Variants in SNX18 observed in about 807,000 individuals in gnomAD.
SNX18 encodes sorting nexin 18.
Under a neutral mutation model 48.7 loss-of-function variants are expected in SNX18, and 35 were observed. The observed-to-expected ratio is 0.72, with a 90% CI of 0.55 to 0.95. The LOEUF (loss-of-function observed/expected upper bound fraction) is 0.95, where lower values mean the gene tolerates loss of function less well. Among genes scored for constraint, SNX18 ranks in the 40% least tolerant of loss-of-function variants. The probability of loss-of-function intolerance (pLI) is 0.00; values close to 1 mark genes in which losing one functional copy is unlikely to be tolerated. For missense variants in SNX18, 824 were observed against 871.0 expected (o/e 0.95, Z 0.68); for synonymous variants, 492 against 384.7 (o/e 1.28, Z -3.26).
At chr5:54,618,944 T>C in the SNX18 span, among the ~76,000 whole-genome samples, 2 of 143,508 alleles carry the variant, frequency 1.4e-5, no homozygotes, top group African/African-American at 2.5e-5. Context: ...ATCTGAAAAG[T>C]AGAAAAAAAA....
At chr5:54,566,093 A>C in the SNX18 span, among the ~76,000 whole-genome samples, 1 of 152,184 alleles carries the variant, frequency 6.6e-6, no homozygotes, top group Admixed American at 6.5e-5. Flanking sequence ...CTTATTAACC[A>C]AACTCAGGTG....
At chr5:54,639,722 T>G in the SNX18 span, among the ~76,000 whole-genome samples, 2 of 152,152 alleles carry the variant, frequency 1.3e-5, 1 homozygote, top group East Asian at 3.9e-4. Flanking sequence ...GGGACAAGCT[T>G]TGTCTTGAAG....
At chr5:54,610,934 T>C in the SNX18 span, among the ~76,000 whole-genome samples, 1 of 152,198 alleles carries the variant, frequency 6.6e-6, no homozygotes, top group Non-Finnish European at 1.5e-5. Context: ...TTTAGGAAAA[T>C]ACAGAATCAT....
the SNX18 span, among the ~76,000 whole-genome samples, chr5:54,625,664 G>A: frequency 6.6e-6 from 1 of 152,170 alleles, no homozygotes; most frequent in Non-Finnish European, 1.5e-5. Flanking sequence ...GAAGAGAAGA[G>A]TACACAAGGG....
chr5:54,556,951 T>C, the SNX18 span, among the ~76,000 whole-genome samples: 3 of 152,222 alleles, frequency 2.0e-5, no homozygotes, highest in East Asian at 1.9e-4. Flanking sequence ...GCCAATTGTG[T>C]TTGCCTTTCA....
At chr5:54,625,865 A>G in the SNX18 span, among the ~76,000 whole-genome samples, 3 of 152,186 alleles carry the variant, frequency 2.0e-5, no homozygotes, top group African/African-American at 7.2e-5. Context: ...TTTTTACTAC[A>G]GTTTGTATGA....
chr5:54,556,821 C>T, the SNX18 span, among the ~76,000 whole-genome samples: 109,362 of 152,068 alleles, frequency 0.72, 39,989 homozygotes, highest in Non-Finnish European at 0.79. Context: ...TCCACCAGCA[C>T]AGTGTGGCAG....
intron 1 of SNX18, among the ~76,000 whole-genome samples, chr5:54,524,792 G>C (rs1231368540): frequency 6.6e-6 from 1 of 152,220 alleles, no homozygotes; most frequent in Admixed American, 6.5e-5. Flanking sequence ...CGCTCTGCCG[G>C]TGTCTGCAGG....
chr5:54,585,970 A>G, the SNX18 span, among the ~76,000 whole-genome samples: 1 of 148,904 alleles, frequency 6.7e-6, no homozygotes, highest in Non-Finnish European at 1.5e-5. Flanking sequence ...GTGCCACTGC[A>G]CTCCAGCCTG....
At chr5:54,586,422 C>T in the SNX18 span, among the ~76,000 whole-genome samples, 1 of 149,086 alleles carries the variant, frequency 6.7e-6, no homozygotes, top group Admixed American at 6.9e-5. Flanking sequence ...TAAGAGAATA[C>T]TGCAGAGTAG....
chr5:54,533,010 A>C (rs916841642), intron 1 of SNX18, among the ~76,000 whole-genome samples: 1 of 152,186 alleles, frequency 6.6e-6, no homozygotes, highest in African/African-American at 2.4e-5. Flanking sequence ...TATTATAACA[A>C]TGCTTTTACC....
At chr5:54,583,019 C>T in the SNX18 span, among the ~76,000 whole-genome samples, 1 of 152,194 alleles carries the variant, frequency 6.6e-6, no homozygotes, top group Non-Finnish European at 1.5e-5. Flanking sequence ...GTAAAAGTGA[C>T]AGTACTATAC....
At position 54,518,287 on chromosome 5, in the gene SNX18, A is replaced by G. The variant is rs776971231; in HGVS notation, c.335A>G (p.Gln112Arg). 1.3e-6 allele frequency: 2 copies of G among 1,504,092 alleles called. No individual in the cohort carries two copies. Among genetic ancestry groups the G allele is most frequent in the Non-Finnish European group, 1.8e-6 (2 of 1,130,902 alleles). The allele number at this position is 1,504,092 out of a possible 1,614,324, so 93.2% of individuals were successfully genotyped here. A position where few individuals can be genotyped will look rare whatever the true frequency, so the allele number is the denominator to read the frequency against. ...DAFQALLQPQ[Q>R]APPPSTFQPP... ...TTCCAGGCGCTGCTGCAGCCACAGC[A>G]GGCGCCGCCTCCGAGCACCTTCCAG... is the stretch of plus-strand genomic sequence containing the variant. Residue 112 changes from glutamine (Q) to arginine (R), a missense_variant, in exon 1 of 2, where the codon CAG becomes CGG. Around this residue, in one of 3 missense-constraint regions of SNX18, gnomAD observed 377 missense variants for 350.6 expected, o/e 1.08. Transcript: ENST00000381410.
At chr5:54,629,597 C>T in the SNX18 span, among the ~76,000 whole-genome samples, 1 of 152,194 alleles carries the variant, frequency 6.6e-6, no homozygotes, top group African/African-American at 2.4e-5. Context: ...AATATTATAA[C>T]CATTGTGCCT....
the SNX18 span, among the ~76,000 whole-genome samples, chr5:54,632,818 G>A: frequency 1.3e-5 from 2 of 151,994 alleles, no homozygotes; most frequent in African/African-American, 2.4e-5. Context: ...TCTGTCGCCA[G>A]GCTGGAGTAC....
At chr5:54,531,678 C>T (rs1372702126) in intron 1 of SNX18, among the ~76,000 whole-genome samples, 1 of 152,208 alleles carries the variant, frequency 6.6e-6, no homozygotes, top group Non-Finnish European at 1.5e-5. Flanking sequence ...AGAGTAAAGA[C>T]TCACAGCCAC....
At chr5:54,566,812 G>A in the SNX18 span, among the ~76,000 whole-genome samples, 2 of 152,200 alleles carry the variant, frequency 1.3e-5, no homozygotes, top group Admixed American at 1.3e-4. Flanking sequence ...TCATTACTGT[G>A]GAGGAAGGAA....
rs1478483448 is a variant in SNX18, at chr5:54,545,564, T to TA, written c.*2133dup. On this transcript the variant is annotated 3_prime_UTR_variant, in exon 2 of 2. Transcript: ENST00000381410. ...AGTACAAGGAAGTATAAGTTATACTTATGTAAGTATAAATTCATGCTGCCT... is the reference window on the plus strand; with the variant it reads ...AGTACAAGGAAGTATAAGTTATACTTAATGTAAGTATAAATTCATGCTGCCT... 1 of 152,182 alleles carries TA rather than the reference T, an allele frequency of 6.6e-6. No individual in the cohort carries two copies. Among genetic ancestry groups the TA allele is most frequent in the Non-Finnish European group, 1.5e-5 (1 of 68,036 alleles). 9.4% of individuals were successfully genotyped at this position (152,182 alleles called of 1,614,324 possible).
chr5:54,518,017 G>A lies in SNX18; in HGVS notation c.65G>A (p.Arg22Gln), dbSNP rs867009376. 5 of 1,548,496 alleles carry A rather than the reference G, an allele frequency of 3.2e-6. No homozygotes were observed. Among genetic ancestry groups the A allele is most frequent in the Admixed American group, 3.8e-5 (2 of 52,270 alleles). Reference sequence around the variant, plus strand: ...GAGAACCCAGGAGAGATCTCGCTGCGAGAGCACGAGGTGCTGAGCCTGTGC... The same window carrying A: ...GAGAACCCAGGAGAGATCTCGCTGCAAGAGCACGAGGTGCTGAGCCTGTGC... ...RSENPGEISL[R>Q]EHEVLSLCSE... The change falls in exon 1 of 2, where the codon CGA becomes CAA. Residue 22 changes from arginine (R) to glutamine (Q), a missense_variant. Physicochemically the swap from Arg to Gln is conservative, Grantham distance 43. Transcript: ENST00000381410.
Sources: allele counts gnomAD v4.1 joint callset (sites outside exome capture counted in the v4.1 genomes callset), GRCh38; gene constraint gnomAD v4.1.1; regional missense constraint gnomAD v4.1.1; transcripts MANE v1.5; gene names NCBI Gene and HGNC (gene_info 2026-07-23, HGNC 2026-07-21).